Variants in UBE2O observed in about 807,000 individuals in gnomAD.
UBE2O encodes the protein ubiquitin conjugating enzyme E2 O.
Under a neutral mutation model 125.8 loss-of-function variants are expected in UBE2O, and 15 were observed. That is an observed-to-expected ratio of 0.12 (90% CI 0.08 to 0.18). UBE2O has a LOEUF of 0.18. Among genes scored for constraint, UBE2O ranks in the 10% least tolerant of loss-of-function variants. The pLI is 1.00. For missense variants in UBE2O, 1,280 were observed against 1,723.6 expected (o/e 0.74, Z 4.56); for synonymous variants, 708 against 703.2 (o/e 1.01, Z -0.11).
intron 1 of UBE2O, among the ~76,000 whole-genome samples, chr17:76,428,529 A>C (rs2072849404): frequency 1.3e-5 from 2 of 152,034 alleles, no homozygotes; most frequent in African/African-American, 4.8e-5. Flanking sequence ...CTTCTTTCTG[A>C]GTATATTTGC....
At position 76,405,816 on chromosome 17, in the gene UBE2O, C is replaced by T. The variant is rs953130873; in HGVS notation, c.418-244G>A. Reference sequence around the variant, plus strand: ...TGGTCACTGTCTCACCCACCAGAGGCACTTGGCTTGCCGGAGGTAGCCTTC... The same window carrying T: ...TGGTCACTGTCTCACCCACCAGAGGTACTTGGCTTGCCGGAGGTAGCCTTC... On this transcript the variant is annotated intron_variant, in intron 1 of 17. Transcript: ENST00000319380. The surrounding 1 kb of genome is among the most constrained non-coding windows in gnomAD (Gnocchi z 6.1). 6.6e-5 allele frequency among the ~76,000 whole-genome samples: 10 copies of T among 152,248 alleles called. No homozygotes were observed. Among genetic ancestry groups the T allele is most frequent in the Admixed American group, 1.3e-4 (2 of 15,278 alleles).
chr17:76,425,225 C>CAAAAAAAAAAAAA (rs58377572), intron 1 of UBE2O, among the ~76,000 whole-genome samples: 4 of 95,102 alleles, frequency 4.2e-5, no homozygotes, highest in East Asian at 2.6e-4. Context: ...GTCCTTTCGA[C>CAAAAAAAAAAAAA]AAAAAAAAAA....
At chr17:76,422,934 G>C (rs138254128) in intron 1 of UBE2O, among the ~76,000 whole-genome samples, 479 of 152,334 alleles carry the variant, frequency 3.1e-3, no homozygotes, top group Non-Finnish European at 5.2e-3. Context: ...GAAAAGCCAT[G>C]GGAATTGGGA....
chr17:76,418,032 G>A (rs1166130040), intron 1 of UBE2O, among the ~76,000 whole-genome samples: 1 of 152,178 alleles, frequency 6.6e-6, no homozygotes, highest in Non-Finnish European at 1.5e-5. Context: ...ACCACCTCAG[G>A]AGGAAGGCGC....
intron 1 of UBE2O, among the ~76,000 whole-genome samples, chr17:76,423,862 A>AC (rs1288474252): frequency 7.0e-6 from 1 of 142,680 alleles, no homozygotes; most frequent in Non-Finnish European, 1.5e-5. Flanking sequence ...CTCTCTTCAC[A>AC]CCAGGTGGCT....
At position 76,402,440 on chromosome 17, in the gene UBE2O, A is replaced by G. The variant is rs957885540; in HGVS notation, c.686+162T>C. On this transcript the variant is annotated intron_variant, in intron 4 of 17. Coordinates refer to ENST00000319380, the MANE Select transcript of UBE2O (RefSeq NM_022066.4). The surrounding 1 kb of genome is among the most constrained non-coding windows in gnomAD (Gnocchi z 5.4). ...GCAACAGAAATAGGCCACGGCAGAT[A>G]AGGAGAACGGTACAGGGTTAGGCCC... 5.3e-5 allele frequency among the ~76,000 whole-genome samples: 8 copies of G among 152,264 alleles called. No homozygotes were observed. In the South Asian group the frequency reaches 1.0e-3, roughly 20 times the overall value.
At chr17:76,426,878 CCCGAAGTACAGCGA>C (rs57911746) in intron 1 of UBE2O, among the ~76,000 whole-genome samples, 2,776 of 152,274 alleles carry the variant, frequency 0.018, 88 homozygotes, top group African/African-American at 0.063. Flanking sequence ...CTTCCTTCTT[CCCGAAGTACAGCGA>C]AGGTCTCTTA....
intron 1 of UBE2O, among the ~76,000 whole-genome samples, chr17:76,413,201 C>T (rs536346394): frequency 6.6e-6 from 1 of 152,246 alleles, no homozygotes; most frequent in South Asian, 2.1e-4. Context: ...AAGAATCTGA[C>T]GTAGGGATGG....
At chr17:76,411,292 C>T (rs1331615843) in intron 1 of UBE2O, among the ~76,000 whole-genome samples, 6 of 152,162 alleles carry the variant, frequency 3.9e-5, no homozygotes, top group Admixed American at 2.0e-4. Flanking sequence ...AGGTGTGAGC[C>T]GCTCCACCTG....
intron 1 of UBE2O, among the ~76,000 whole-genome samples, chr17:76,449,857 T>C (rs1214389105): frequency 6.6e-6 from 1 of 151,758 alleles, no homozygotes. Context: ...GAGGCAGAGG[T>C]TGCGGTGAGC....
At chr17:76,419,251 T>C (rs1309724389) in intron 1 of UBE2O, among the ~76,000 whole-genome samples, 1 of 123,440 alleles carries the variant, frequency 8.1e-6, no homozygotes, top group Non-Finnish European at 1.6e-5. Context: ...ACCACTGCAC[T>C]CTGGCCTGGG....
intron 1 of UBE2O, among the ~76,000 whole-genome samples, chr17:76,450,006 G>A (rs1360724517): frequency 1.3e-5 from 2 of 151,826 alleles, no homozygotes; most frequent in African/African-American, 2.4e-5. Context: ...CAGGAGGATT[G>A]TGTGAGACCA....
intron 1 of UBE2O, among the ~76,000 whole-genome samples, chr17:76,436,414 T>C (rs1053466892): frequency 2.0e-5 from 3 of 152,130 alleles, no homozygotes; most frequent in Admixed American, 1.3e-4. Flanking sequence ...AATAACTTAA[T>C]AGACCAATCA....
chr17:76,423,364 A>T (rs997759001), intron 1 of UBE2O, among the ~76,000 whole-genome samples: 5 of 145,386 alleles, frequency 3.4e-5, no homozygotes, highest in Admixed American at 2.0e-4. Flanking sequence ...GGGTGACAAG[A>T]GTAAGACCCT....
intron 1 of UBE2O, among the ~76,000 whole-genome samples, chr17:76,420,017 T>G (rs1299436928): frequency 1.3e-5 from 2 of 152,072 alleles, no homozygotes; most frequent in Non-Finnish European, 2.9e-5. Flanking sequence ...TGACATAACC[T>G]TGGGGCAGCA....
chr17:76,391,493 T>C lies in UBE2O; in HGVS notation c.3329A>G (p.Gln1110Arg). 1.2e-6 allele frequency: 2 copies of C among 1,614,036 alleles called. No individual in the cohort carries two copies. The highest frequency in any genetic ancestry group is 1.7e-6 in the Non-Finnish European group (2 of 1,180,034). Residue 1110 changes from glutamine to arginine, a missense_variant, in exon 18 of 18, where the codon CAG becomes CGG. Transcript: ENST00000319380. The surrounding 1 kb of genome is among the most constrained non-coding windows in gnomAD (Gnocchi z 8.4). ...CCGCCGCACCAGCTGGGTCATGGAC[T>C]GCACCACGCGGATCAGCGCCATCTC... ...YNEMALIRVV[Q>R]SMTQLVRRPP...
At position 76,391,766 on chromosome 17, in the gene UBE2O, G is replaced by A; in HGVS notation, c.3198C>T (p.Ile1066=). The change falls in exon 17 of 18, where the codon ATC becomes ATT. Residue 1066 remains isoleucine (I), a synonymous_variant. Coordinates refer to ENST00000319380, the MANE Select transcript of UBE2O (RefSeq NM_022066.4). The surrounding 1 kb of genome is among the most constrained non-coding windows in gnomAD (Gnocchi z 8.4). ...TSKSSLLQVL[I]SIQGLILVNE... The stretch of plus-strand genomic sequence containing the variant: ...TCAGCCCAACTGTACCTTGGATGGA[G>A]ATGAGCACCTGGAGAAGGCTGGACT... 1 of 1,614,166 alleles carries A rather than the reference G, an allele frequency of 6.2e-7. No homozygotes were observed. Among genetic ancestry groups the A allele is most frequent in the Non-Finnish European group, 8.5e-7 (1 of 1,180,034 alleles).
At chr17:76,411,002 C>T (rs567972248) in intron 1 of UBE2O, among the ~76,000 whole-genome samples, 50 of 144,662 alleles carry the variant, frequency 3.5e-4, no homozygotes, top group African/African-American at 8.3e-4. Flanking sequence ...AATACAAAGA[C>T]GCTAAATAAA....
At chr17:76,419,860 C>A (rs564536724) in intron 1 of UBE2O, among the ~76,000 whole-genome samples, 23 of 152,318 alleles carry the variant, frequency 1.5e-4, no homozygotes, top group Admixed American at 7.2e-4. Flanking sequence ...GCTCTACCCA[C>A]GCGGAAACCT....
Sources: allele counts gnomAD v4.1 joint callset (sites outside exome capture counted in the v4.1 genomes callset), GRCh38; gene constraint gnomAD v4.1.1; non-coding constraint Gnocchi (gnomAD v3.1); transcripts MANE v1.5; gene names NCBI Gene and HGNC (gene_info 2026-07-23, HGNC 2026-07-21).